ABLIM2: variants seen among roughly 807,000 people sequenced by gnomAD.
The protein encoded by ABLIM2 is actin-binding LIM protein 2.
Under a neutral mutation model 97.7 loss-of-function variants are expected in ABLIM2, and 53 were observed. The observed-to-expected ratio is 0.54, with a 90% confidence interval of 0.44 to 0.68. The LOEUF is 0.68. ABLIM2 is among the 30% of genes least tolerant of loss of function. The pLI is 0.00. For missense variants in ABLIM2, 835 were observed against 867.2 expected (o/e 0.96, Z 0.47); for synonymous variants, 361 against 345.8 (o/e 1.04, Z -0.49).
At chr4:8,100,094 G>A (rs910975290) in intron 2 of ABLIM2, among the ~76,000 whole-genome samples, 1 of 152,074 alleles carries the variant, frequency 6.6e-6, no homozygotes, top group Admixed American at 6.6e-5. Flanking sequence ...GGTGGCGGCT[G>A]GGGGGAAAAG....
At chr4:8,047,901 T>C (rs1249885857) in intron 8 of ABLIM2, among the ~76,000 whole-genome samples, 1 of 152,204 alleles carries the variant, frequency 6.6e-6, no homozygotes, top group Admixed American at 6.5e-5. Context: ...GCAAAGCAGA[T>C]GAACATTGGG....
chr4:8,104,690 C>A (rs986446213), intron 2 of ABLIM2, among the ~76,000 whole-genome samples: 1 of 152,154 alleles, frequency 6.6e-6, no homozygotes, highest in Admixed American at 6.5e-5. Context: ...CTGAGCTCAG[C>A]GTCTTCCCTA....
intron 11 of ABLIM2, among the ~76,000 whole-genome samples, chr4:8,028,473 ACT>A (rs1301254756): frequency 6.6e-6 from 1 of 151,636 alleles, no homozygotes; most frequent in Non-Finnish European, 1.5e-5. Context: ...TCATTCACTC[ACT>A]CTCTCATTCC....
intron 10 of ABLIM2, among the ~76,000 whole-genome samples, chr4:8,031,934 C>T (rs1335936751): frequency 1.3e-5 from 2 of 151,998 alleles, no homozygotes; most frequent in Non-Finnish European, 2.9e-5. Context: ...TATGTTTTGG[C>T]CAGGCTGGTC....
chr4:7,971,095 C>CCT (rs1261495150), intron 20 of ABLIM2, among the ~76,000 whole-genome samples: 1 of 152,152 alleles, frequency 6.6e-6, no homozygotes, highest in Admixed American at 6.5e-5. Flanking sequence ...TGTCACACCT[C>CCT]ACCTGGCTGA....
chr4:7,980,224 A>G (rs1350330374), intron 20 of ABLIM2, among the ~76,000 whole-genome samples: 2 of 152,164 alleles, frequency 1.3e-5, no homozygotes, highest in Admixed American at 1.3e-4. Context: ...CGAGTCAGAC[A>G]TGTCTCATTC....
Position 8,061,017 on chromosome 4 carries a change from C to T in ABLIM2, c.713G>A (p.Cys238Tyr). 2.5e-6 allele frequency: 4 copies of T among 1,599,334 alleles called. No individual in the cohort carries two copies. The highest frequency in any genetic ancestry group is 2.6e-6 in the Non-Finnish European group (3 of 1,172,916). ...EKHYHPSCAL[C>Y]VRCGQMFAEG... is the part of the protein sequence containing the mutation. ...TGCAAACATCTGGCCGCACCTGACA[C>T]ATAGCGCGCAGGAAGGGTGGTAGTG... The change falls in exon 7 of 21, where the codon TGT becomes TAT. Residue 238 changes from cysteine to tyrosine, a missense_variant. Transcript: ENST00000447017. The surrounding 1 kb of genome is among the most constrained non-coding windows in gnomAD (Gnocchi z 4.5).
At position 8,132,152 on chromosome 4, in the gene ABLIM2, A is replaced by G. The variant is rs1488709365; in HGVS notation, c.11-25515T>C. 1.3e-5 allele frequency among the ~76,000 whole-genome samples: 2 copies of G among 151,766 alleles called. No individual in the cohort carries two copies. The highest frequency in any genetic ancestry group is 2.9e-5 in the Non-Finnish European group (2 of 67,948). On this transcript the variant is annotated intron_variant, in intron 1 of 20. Coordinates refer to ENST00000447017, the MANE Select transcript of ABLIM2 (RefSeq NM_001130083.2). This position sits in a 1 kb window ranked among gnomAD's most constrained non-coding sequence, Gnocchi z 8.0. ...CACAGGAACGACCTGGTTGGAAAGG[A>G]AACAGCGTACATGGTCCCACGAGGC... is the stretch of plus-strand genomic sequence containing the variant.
intron 16 of ABLIM2, among the ~76,000 whole-genome samples, chr4:7,993,198 A>C (rs1251551225): frequency 6.6e-6 from 1 of 152,242 alleles, no homozygotes; most frequent in Non-Finnish European, 1.5e-5. Flanking sequence ...GTTCAGGGAC[A>C]GGCTCGGGCC....
intron 9 of ABLIM2, among the ~76,000 whole-genome samples, chr4:8,040,936 G>A (rs1389375028): frequency 1.3e-5 from 2 of 152,214 alleles, no homozygotes; most frequent in African/African-American, 4.8e-5. Flanking sequence ...CATCAGCGAC[G>A]TGGGCACACT....
intron 1 of ABLIM2, among the ~76,000 whole-genome samples, chr4:8,144,597 A>G (rs1253173773): frequency 1.3e-5 from 2 of 152,208 alleles, no homozygotes; most frequent in Non-Finnish European, 2.9e-5. Context: ...CTGGAAGGAC[A>G]CAGCCTGAGC....
intron 17 of ABLIM2, among the ~76,000 whole-genome samples, chr4:7,985,803 C>T (rs994620662): frequency 1.3e-5 from 2 of 152,326 alleles, no homozygotes; most frequent in South Asian, 2.1e-4. Context: ...GCCATTTTAG[C>T]GCATTGAGAC....
Position 8,128,393 on chromosome 4 carries a change from A to G in ABLIM2, c.11-21756T>C, listed in dbSNP as rs6831678. 1 allele frequency among the ~76,000 whole-genome samples: 151,905 copies of G among 152,350 alleles called. 75,731 individuals are homozygous for G. The highest frequency in any genetic ancestry group is 1 in the Middle Eastern group (294 of 294). ...GCGAATCAGAGTCCAGCACCCCGTCATAGGATGCGTTGCACCTGCACACCC... is the reference window on the plus strand; with the variant it reads ...GCGAATCAGAGTCCAGCACCCCGTCGTAGGATGCGTTGCACCTGCACACCC... On this transcript the variant is annotated intron_variant, in intron 1 of 20. Transcript: ENST00000447017. The surrounding 1 kb of genome is among the most constrained non-coding windows in gnomAD (Gnocchi z 4.9).
chr4:8,037,979 C>G (rs1022313746), intron 9 of ABLIM2, among the ~76,000 whole-genome samples: 2 of 152,332 alleles, frequency 1.3e-5, no homozygotes, highest in East Asian at 1.9e-4. Context: ...CTTGCCCCTG[C>G]CTGTCCCCTT....
intron 6 of ABLIM2, among the ~76,000 whole-genome samples, chr4:8,077,313 T>C (rs1294958521): frequency 6.6e-6 from 1 of 152,136 alleles, no homozygotes; most frequent in Non-Finnish European, 1.5e-5. Flanking sequence ...CTCTCTTCCA[T>C]CTTCCGTGCC....
At chr4:8,142,331 A>G (rs1311473057) in intron 1 of ABLIM2, among the ~76,000 whole-genome samples, 2 of 151,932 alleles carry the variant, frequency 1.3e-5, no homozygotes, top group African/African-American at 4.8e-5. Flanking sequence ...ACTCTGCCTC[A>G]CCTCACTGCC....
At chr4:8,089,475 T>C (rs534262477) in intron 3 of ABLIM2, among the ~76,000 whole-genome samples, 5 of 152,058 alleles carry the variant, frequency 3.3e-5, no homozygotes, top group Admixed American at 1.3e-4. Flanking sequence ...TGGCTCACAC[T>C]TGTAATCCCA....
chr4:7,972,765 G>C (rs1729176182), intron 20 of ABLIM2, among the ~76,000 whole-genome samples: 2 of 152,116 alleles, frequency 1.3e-5, no homozygotes, highest in East Asian at 3.9e-4. Context: ...AGTTCTGCTT[G>C]TGTTTCTCTT....
chr4:8,082,685 A>G lies in ABLIM2; in HGVS notation c.455-1883T>C, dbSNP rs1820700802. 6.6e-6 allele frequency among the ~76,000 whole-genome samples: 1 copy of G among 152,164 alleles called. No individual in the cohort carries two copies. Among genetic ancestry groups the G allele is most frequent in the African/African-American group, 2.4e-5 (1 of 41,448 alleles). On this transcript the variant is annotated intron_variant, in intron 4 of 20. Coordinates refer to ENST00000447017, the MANE Select transcript of ABLIM2 (RefSeq NM_001130083.2). This position sits in a 1 kb window ranked among gnomAD's most constrained non-coding sequence, Gnocchi z 5.6. The stretch of plus-strand genomic sequence containing the variant: ...ACTCTGAGGGAAAGGGGGGCCTCTT[A>G]CTCATTTCAGGACCCTGGATGCCCA...
Sources: gnomAD v4.1 joint callset for allele counts (sites outside exome capture counted in the v4.1 genomes callset) on GRCh38, gnomAD v4.1.1 for gene constraint, Gnocchi (gnomAD v3.1) non-coding constraint, MANE v1.5 for transcripts, NCBI Gene and HGNC (gene_info 2026-07-23, HGNC 2026-07-21) for gene names.